IQSEC3: variants seen among roughly 807,000 people sequenced by gnomAD.
IQSEC3 encodes the protein IQ motif and SEC7 domain-containing protein 3.
IQSEC3 carries 50 observed loss-of-function variants against 105.4 expected under a neutral mutation model. That is an observed-to-expected ratio of 0.47 (90% CI 0.38 to 0.60). The LOEUF (loss-of-function observed/expected upper bound fraction) is 0.60. Ranked by LOEUF, IQSEC3 falls within the 20% of genes least tolerant of loss-of-function variation. The pLI is 0.00. For synonymous variants in IQSEC3, 708 were observed against 746.0 expected (o/e 0.95, Z 0.83); for missense variants, 1,415 against 1,630.0 (o/e 0.87, Z 2.27).
At chr12:75,662 G>A (rs1449413268) in intron 1 of IQSEC3, among the ~76,000 whole-genome samples, 2 of 152,276 alleles carry the variant, frequency 1.3e-5, no homozygotes, top group Non-Finnish European at 2.9e-5. Context: ...CGAGCCTGAA[G>A]GGGATGGGAG....
intron 3 of IQSEC3, among the ~76,000 whole-genome samples, chr12:136,262 A>G (rs956412022): frequency 1.1e-5 from 1 of 94,406 alleles, no homozygotes; most frequent in Admixed American, 9.3e-5. Context: ...AGGTTTGGGA[A>G]TGGGGAATGG....
At chr12:76,159 G>C (rs114576040) in intron 1 of IQSEC3, among the ~76,000 whole-genome samples, 313 of 152,004 alleles carry the variant, frequency 2.1e-3, no homozygotes, top group African/African-American at 7.2e-3. Flanking sequence ...AGTGAGAAAC[G>C]GGCAATGGGC....
At chr12:133,123 G>T (rs1555085529) in intron 3 of IQSEC3, among the ~76,000 whole-genome samples, 1 of 152,182 alleles carries the variant, frequency 6.6e-6, no homozygotes, top group Non-Finnish European at 1.5e-5. Context: ...AGGCAGACAG[G>T]GCTGAGAAGG....
At chr12:140,043 C>T (rs1371246766) in intron 4 of IQSEC3, among the ~76,000 whole-genome samples, 1 of 152,168 alleles carries the variant, frequency 6.6e-6, no homozygotes, top group Admixed American at 6.5e-5. Flanking sequence ...GAGGCAGGCA[C>T]TCGCCTCCAT....
intron 6 of IQSEC3, 64 bp from the exon 7 acceptor site, chr12:157,464 T>G: frequency 7.5e-7 from 1 of 1,339,432 alleles, no homozygotes; most frequent in Non-Finnish European, 9.9e-7. Flanking sequence ...CCCCCTTCCT[T>G]TGTTGGGCCC....
chr12:139,146 G>T lies in IQSEC3; in HGVS notation c.1783G>T (p.Glu595Ter). 2 of 1,539,786 alleles carry T rather than the reference G, an allele frequency of 1.3e-6. No individual in the cohort carries two copies. Among genetic ancestry groups the T allele is most frequent in the Non-Finnish European group, 1.8e-6 (2 of 1,142,520 alleles). Residue 595 changes from glutamate to a stop codon, truncating the protein, a stop_gained, in exon 4 of 14, where the codon GAG (glutamate) becomes TAG (stop). Transcript: ENST00000538872. LOFTEE classifies it high-confidence loss of function. ...RGAEAEAGDL[E>*]QLSSSSTSTK... ...GGCCGAGGCCGAGGCAGGCGACTTG[G>T]AGCAGCTGAGCAGCAGCAGCACGTC...
At chr12:119,635 T>C (rs1865155804) in intron 2 of IQSEC3, among the ~76,000 whole-genome samples, 1 of 152,086 alleles carries the variant, frequency 6.6e-6, no homozygotes, top group Non-Finnish European at 1.5e-5. Context: ...TCAACACCCA[T>C]GGAAGGGAGG....
At chr12:174,124 A>G (rs183565902) in intron 13 of IQSEC3, among the ~76,000 whole-genome samples, 6 of 152,230 alleles carry the variant, frequency 3.9e-5, no homozygotes, top group Admixed American at 6.5e-5. Context: ...GACGGTGCCA[A>G]TGATCCTTCC....
chr12:162,353 T>G (rs1338736670), intron 8 of IQSEC3, among the ~76,000 whole-genome samples: 2 of 152,026 alleles, frequency 1.3e-5, no homozygotes, highest in Non-Finnish European at 2.9e-5. Context: ...CAGATGAGAT[T>G]TAGTATCCCT....
In IQSEC3 at chr12:175,011, G is replaced by A. The variant is rs777706075; in HGVS notation, c.3527G>A (p.Ser1176Asn). ...CTGCTGCACGGGCACCGCTACTCCA[G>A]TGGCTCAAGGAGCCTGGTGTAGACT... The part of the protein sequence containing the change: ...GSLLHGHRYS[S>N]GSRSLV Residue 1176 changes from serine (S) to asparagine (N), a missense_variant, in exon 14 of 14, where the codon AGT (serine) becomes AAT (asparagine). This residue lies in a region of IQSEC3 where 419 missense variants were observed against 436.2 expected (regional missense o/e 0.96). Coordinates refer to ENST00000538872, the MANE Select transcript of IQSEC3 (RefSeq NM_001170738.2). 3 of 1,540,464 alleles carry A rather than the reference G, an allele frequency of 1.9e-6. No individual in the cohort carries two copies. The highest frequency in any genetic ancestry group is 3.5e-5 in the Admixed American group (2 of 56,808).
At chr12:171,466 T>A in intron 13 of IQSEC3, 1 of 692,894 alleles carries the variant, frequency 1.4e-6, no homozygotes, top group South Asian at 1.8e-5. Context: ...CCTTCCTGTG[T>A]GCCCCCAAAT....
At chr12:100,901 T>G (rs75040134) in intron 2 of IQSEC3, among the ~76,000 whole-genome samples, 8,170 of 152,084 alleles carry the variant, frequency 0.054, 635 homozygotes, top group African/African-American at 0.17. Context: ...GACCCTGAGT[T>G]CCCTGGCCCC....
chr12:131,096 G>A (rs1555084961), intron 3 of IQSEC3, among the ~76,000 whole-genome samples: 2 of 141,844 alleles, frequency 1.4e-5, no homozygotes, highest in East Asian at 5.2e-4. Flanking sequence ...CCTCTGGCTT[G>A]GCCGCCATCT....
chr12:99,205 C>T lies in IQSEC3; in HGVS notation c.614C>T (p.Ala205Val). 1.9e-6 allele frequency: 3 copies of T among 1,598,674 alleles called. No homozygotes were observed. The highest frequency in any genetic ancestry group is 2.2e-5 in the South Asian group (2 of 90,890). ...CPAADACSDL[A>V]SQSDGSCTQA... ...GCCGCCGACGCCTGCTCCGACCTGG[C>T]CTCCCAAAGGTGGGAACTGTGGCCC... Residue 205 changes from alanine (A) to valine (V), a missense_variant, in exon 2 of 14, where the codon GCC (alanine) becomes GTC (valine). Ala to Val is a moderately conservative substitution (Grantham distance 64, BLOSUM62 0). Around this residue, in one of 6 missense-constraint regions of IQSEC3, gnomAD observed 720 missense variants for 633.0 expected, o/e 1.14. Transcript: ENST00000538872.
chr12:122,750 C>T (rs532416373), intron 2 of IQSEC3, among the ~76,000 whole-genome samples: 48 of 152,280 alleles, frequency 3.2e-4, no homozygotes, highest in African/African-American at 1.1e-3. Flanking sequence ...TGTCATTGGC[C>T]GAGTGCTGCC....
chr12:162,906 G>T (rs963429095), intron 8 of IQSEC3, among the ~76,000 whole-genome samples: 1 of 152,126 alleles, frequency 6.6e-6, no homozygotes, highest in Admixed American at 6.5e-5. Flanking sequence ...ACGGAGGGAA[G>T]CAGGTTGACA....
chr12:81,184 C>T (rs1863733651), intron 1 of IQSEC3, among the ~76,000 whole-genome samples: 1 of 152,172 alleles, frequency 6.6e-6, no homozygotes, highest in African/African-American at 2.4e-5. Context: ...CCATGTCAAA[C>T]ATCCTGCAGT....
chr12:125,780 T>A lies in IQSEC3; in HGVS notation c.771T>A (p.Ala257=). 6.6e-7 allele frequency: 1 copy of A among 1,515,140 alleles called. No individual in the cohort carries two copies. The allele number at this position is 1,515,140 out of a possible 1,614,324, so 93.9% of individuals were successfully genotyped here. The change falls in exon 3 of 14, where the codon GCT becomes GCA. Residue 257 remains alanine, a synonymous_variant. Transcript: ENST00000538872. ...QEEEERPGAG[A]ASPRAGPQHK... ...AGGAGGAGCGGCCGGGGGCAGGGGC[T>A]GCCTCCCCAAGGGCTGGCCCCCAGC...
chr12:81,020 C>T (rs1178791262), intron 1 of IQSEC3, among the ~76,000 whole-genome samples: 1 of 152,180 alleles, frequency 6.6e-6, no homozygotes, highest in Non-Finnish European at 1.5e-5. Context: ...TAGGAGGGTG[C>T]AGGCGCGTAG....
Sources: gnomAD v4.1 joint callset for allele counts (sites outside exome capture counted in the v4.1 genomes callset) on GRCh38, gnomAD v4.1.1 for gene constraint, gnomAD v4.1.1 regional missense constraint, MANE v1.5 for transcripts, NCBI Gene and HGNC (gene_info 2026-07-23, HGNC 2026-07-21) for gene names.